COL23A1: variants seen among roughly 807,000 people sequenced by gnomAD.
COL23A1 encodes collagen type XXIII alpha 1 chain.
A neutral mutation model predicts 99.3 loss-of-function variants in COL23A1; 97 were observed. The ratio of observed to expected loss-of-function variants is 0.98; its 90% CI spans 0.83 to 1.16. The LOEUF (loss-of-function observed/expected upper bound fraction) is 1.16. Ranked by LOEUF, COL23A1 falls within the 50% of genes most tolerant of loss-of-function variation. The pLI is 0.00. For synonymous variants in COL23A1, 320 were observed against 308.2 expected (o/e 1.04, Z -0.40); for missense variants, 762 against 757.4 (o/e 1.01, Z -0.07).
At chr5:178,321,599 C>T (rs1026074721) in intron 2 of COL23A1, among the ~76,000 whole-genome samples, 53 of 147,338 alleles carry the variant, frequency 3.6e-4, no homozygotes, top group Non-Finnish European at 4.5e-4. Flanking sequence ...ACGCCATTCT[C>T]CTGCCTCAGC....
At chr5:178,438,030 G>T (rs1766658746) in intron 2 of COL23A1, among the ~76,000 whole-genome samples, 1 of 152,242 alleles carries the variant, frequency 6.6e-6, no homozygotes, top group African/African-American at 2.4e-5. Context: ...CTCAGCTAAT[G>T]TGTCTTAATT....
chr5:178,569,237 T>C (rs1012953642), intron 1 of COL23A1, among the ~76,000 whole-genome samples: 1 of 152,224 alleles, frequency 6.6e-6, no homozygotes, highest in Non-Finnish European at 1.5e-5. Flanking sequence ...CATGTTAAAA[T>C]TGGGTTGTGT....
chr5:178,256,890 A>G lies in COL23A1; in HGVS notation c.813T>C (p.Gly271=). ...PGSMGPRGEN[G]VDGAPGPKGE... is the part of the protein sequence containing the mutation. ...CCTTCGGTCCTGGGGCACCGTCCAC[A>G]CCGTTCTCTCCCCGAGGCCCCATGC... is the stretch of plus-strand genomic sequence containing the variant. The change falls in exon 14 of 29, where the codon GGT becomes GGC. Residue 271 remains glycine (G), a synonymous_variant. Coordinates refer to ENST00000390654, the MANE Select transcript of COL23A1 (RefSeq NM_173465.4). The G allele has an allele frequency of 1.2e-6, 2 of 1,613,478 alleles. No individual in the cohort carries two copies. Among genetic ancestry groups the G allele is most frequent in the Non-Finnish European group, 8.5e-7 (1 of 1,179,820 alleles).
chr5:178,480,145 G>GAAA (rs879262058), intron 2 of COL23A1, among the ~76,000 whole-genome samples: 1 of 112,038 alleles, frequency 8.9e-6, no homozygotes, highest in Non-Finnish European at 1.9e-5. Flanking sequence ...TTGTACTCCA[G>GAAA]AAAAAAAAAA....
chr5:178,355,356 G>A (rs544396278), intron 2 of COL23A1, among the ~76,000 whole-genome samples: 1 of 152,186 alleles, frequency 6.6e-6, no homozygotes, highest in Admixed American at 6.5e-5. Context: ...TCTGCAGGGG[G>A]GTCCTGGAGC....
intron 2 of COL23A1, among the ~76,000 whole-genome samples, chr5:178,361,362 T>C (rs1028044568): frequency 5.9e-5 from 9 of 152,132 alleles, no homozygotes; most frequent in Non-Finnish European, 1.3e-4. Context: ...TGGAGTCACT[T>C]GTCTTTGAGT....
At chr5:178,517,104 C>T (rs1759562963) in intron 2 of COL23A1, among the ~76,000 whole-genome samples, 1 of 152,120 alleles carries the variant, frequency 6.6e-6, no homozygotes, top group Non-Finnish European at 1.5e-5. Context: ...TGCCCACAGC[C>T]AAGAAACAGA....
chr5:178,474,537 T>C (rs1374503329), intron 2 of COL23A1, among the ~76,000 whole-genome samples: 1 of 152,094 alleles, frequency 6.6e-6, no homozygotes, highest in Non-Finnish European at 1.5e-5. Flanking sequence ...AAAAAAAAAT[T>C]TGTATTGAAA....
intron 25 of COL23A1, among the ~76,000 whole-genome samples, chr5:178,245,206 C>T (rs1764612955): frequency 1.3e-5 from 2 of 148,646 alleles, no homozygotes; most frequent in Admixed American, 6.7e-5. Flanking sequence ...TCCATTCACT[C>T]ATCATCTATC....
At chr5:178,535,507 A>G (rs1052248936) in intron 2 of COL23A1, among the ~76,000 whole-genome samples, 1 of 152,210 alleles carries the variant, frequency 6.6e-6, no homozygotes, top group African/African-American at 2.4e-5. Flanking sequence ...TCACTCTCCC[A>G]CGCACAGAAC....
At chr5:178,257,061 G>T (rs1765344523) in intron 13 of COL23A1, 133 bp from the exon 14 acceptor site, 3 of 773,032 alleles carry the variant, frequency 3.9e-6, no homozygotes, top group South Asian at 3.4e-5. Flanking sequence ...GAGTCCATGG[G>T]GGGTGTGGGC....
intron 1 of COL23A1, among the ~76,000 whole-genome samples, chr5:178,580,381 G>A (rs1763600994): frequency 6.7e-6 from 1 of 149,238 alleles, no homozygotes; most frequent in African/African-American, 2.5e-5. Context: ...CCTCTGCCCA[G>A]GACACACATG....
chr5:178,265,351 G>A (rs1195294496), intron 8 of COL23A1, among the ~76,000 whole-genome samples: 4 of 152,160 alleles, frequency 2.6e-5, no homozygotes, highest in East Asian at 1.9e-4. Flanking sequence ...TGATGGTGGC[G>A]GGTGATTCCT....
intron 26 of COL23A1, 63 bp from the exon 27 acceptor site, chr5:178,242,191 T>C: frequency 6.7e-7 from 1 of 1,494,556 alleles, no homozygotes; most frequent in South Asian, 1.2e-5. Flanking sequence ...CTCCAACATC[T>C]CTCCGAGAGA....
chr5:178,393,029 G>A (rs550759269), intron 2 of COL23A1, among the ~76,000 whole-genome samples: 2 of 152,218 alleles, frequency 1.3e-5, no homozygotes, highest in Middle Eastern at 3.2e-3. Flanking sequence ...CAGGACAAGA[G>A]CCCAAGGACC....
chr5:178,403,420 G>C (rs1764580671), intron 2 of COL23A1, among the ~76,000 whole-genome samples: 1 of 152,176 alleles, frequency 6.6e-6, no homozygotes, highest in Admixed American at 6.5e-5. Flanking sequence ...TTCCCTTGGA[G>C]AGTTTCAAAC....
chr5:178,586,243 C>T (rs1469440029), intron 1 of COL23A1, among the ~76,000 whole-genome samples: 1 of 152,206 alleles, frequency 6.6e-6, no homozygotes, highest in Admixed American at 6.5e-5. Context: ...CCATCAAAAG[C>T]ATATTTACCA....
intron 2 of COL23A1, among the ~76,000 whole-genome samples, chr5:178,315,652 TGGTCAC>T (rs1390200559): frequency 1.3e-5 from 2 of 151,822 alleles, no homozygotes; most frequent in African/African-American, 2.4e-5. Flanking sequence ...GGACAAGGGC[TGGTCAC>T]GGTCTCCGGA....
intron 5 of COL23A1, 139 bp from the exon 6 acceptor site, chr5:178,270,502 T>G: frequency 1.3e-5 from 13 of 989,820 alleles, no homozygotes; most frequent in Non-Finnish European, 2.0e-5. Flanking sequence ...CCATGTGGCC[T>G]GGGGCTGAGG....
Sources: gnomAD v4.1 joint callset for allele counts (sites outside exome capture counted in the v4.1 genomes callset) on GRCh38, gnomAD v4.1.1 for gene constraint, MANE v1.5 for transcripts, NCBI Gene and HGNC (gene_info 2026-07-23, HGNC 2026-07-21) for gene names.